Variants in GRIK2 observed in about 807,000 individuals in gnomAD.
The protein encoded by GRIK2 is glutamate ionotropic receptor kainate type subunit 2, also known as glutamate receptor ionotropic, kainate 2.
Under a neutral mutation model 100.3 loss-of-function variants are expected in GRIK2, and 32 were observed. That is an observed-to-expected ratio of 0.32 (90% CI 0.24 to 0.43). The LOEUF is 0.43. GRIK2 is among the 20% of genes least tolerant of loss of function. The pLI is 1.00. For missense variants in GRIK2, 843 were observed against 1,114.9 expected, an observed-to-expected ratio of 0.76 and a Z score of 3.47; for synonymous variants, 417 against 389.4, an observed-to-expected ratio of 1.07 and a Z score of -0.83.
At chr6:101,512,524 T>C (rs1215517083) in intron 2 of GRIK2, among the ~76,000 whole-genome samples, 4 of 152,136 alleles carry the variant, frequency 2.6e-5, no homozygotes, top group African/African-American at 9.6e-5. Context: ...CCATCTCACT[T>C]GAAGTTAATC....
At chr6:101,519,766 A>G (rs1172243796) in intron 2 of GRIK2, among the ~76,000 whole-genome samples, 1 of 152,186 alleles carries the variant, frequency 6.6e-6, no homozygotes, top group Non-Finnish European at 1.5e-5. Flanking sequence ...AAATCAGACT[A>G]TGTAAATTCT....
chr6:101,662,359 GT>G (rs1479993465), intron 4 of GRIK2, among the ~76,000 whole-genome samples: 1 of 152,142 alleles, frequency 6.6e-6, no homozygotes, highest in African/African-American at 2.4e-5. Context: ...CCTTGTTTCT[GT>G]TTCTAAGGAC....
At chr6:101,785,374 A>C (rs1779357623) in intron 7 of GRIK2, among the ~76,000 whole-genome samples, 1 of 152,082 alleles carries the variant, frequency 6.6e-6, no homozygotes. Context: ...TTGGGTCCTT[A>C]GCCATAGAGT....
At chr6:101,817,298 G>A (rs1781693071) in intron 9 of GRIK2, among the ~76,000 whole-genome samples, 1 of 152,180 alleles carries the variant, frequency 6.6e-6, no homozygotes, top group African/African-American at 2.4e-5. Flanking sequence ...AGCATATTTA[G>A]TTAGAACAGA....
At chr6:101,678,554 G>A (rs1302814973) in intron 5 of GRIK2, among the ~76,000 whole-genome samples, 2 of 152,082 alleles carry the variant, frequency 1.3e-5, no homozygotes. Flanking sequence ...TTTTAACTTT[G>A]TCTCACATTT....
At chr6:101,760,199 T>C (rs1777419937) in intron 7 of GRIK2, among the ~76,000 whole-genome samples, 1 of 148,124 alleles carries the variant, frequency 6.8e-6, no homozygotes, top group Non-Finnish European at 1.5e-5. Flanking sequence ...AAAATATGTA[T>C]ATGTAAAATG....
intron 2 of GRIK2, among the ~76,000 whole-genome samples, chr6:101,527,880 T>G (rs1775231549): frequency 6.6e-6 from 1 of 152,202 alleles, no homozygotes; most frequent in African/African-American, 2.4e-5. Flanking sequence ...GTTTTTTATT[T>G]TTCCTTGTAG....
chr6:102,051,990 G>A (rs990881624), intron 15 of GRIK2, among the ~76,000 whole-genome samples: 2 of 152,126 alleles, frequency 1.3e-5, no homozygotes, highest in Admixed American at 1.3e-4. Context: ...GAACTTGGGA[G>A]GAACTGTCTC....
intron 2 of GRIK2, among the ~76,000 whole-genome samples, chr6:101,482,681 A>G (rs994719832): frequency 6.6e-6 from 1 of 152,160 alleles, no homozygotes; most frequent in African/African-American, 2.4e-5. Flanking sequence ...AGACATGTTA[A>G]GAGACTATTA....
chr6:101,673,764 A>T (rs538153270), intron 4 of GRIK2, among the ~76,000 whole-genome samples: 9 of 152,106 alleles, frequency 5.9e-5, no homozygotes, highest in East Asian at 1.9e-4. Context: ...ATTATTTGCC[A>T]GTCTTCATTT....
chr6:101,820,818 A>G (rs1583209714), intron 10 of GRIK2, among the ~76,000 whole-genome samples: 4 of 152,238 alleles, frequency 2.6e-5, no homozygotes, highest in African/African-American at 9.6e-5. Flanking sequence ...TACCCACTTC[A>G]TGAAAATCTT....
At chr6:101,763,741 T>C (rs910925869) in intron 7 of GRIK2, among the ~76,000 whole-genome samples, 1 of 152,238 alleles carries the variant, frequency 6.6e-6, no homozygotes. Flanking sequence ...GATATTTTTC[T>C]GGACTAGTTT....
chr6:101,477,823 C>T (rs888571854), intron 2 of GRIK2, among the ~76,000 whole-genome samples: 5 of 152,170 alleles, frequency 3.3e-5, no homozygotes, highest in Non-Finnish European at 7.4e-5. Context: ...TGATTCCCCT[C>T]TTTACTAGTT....
intron 12 of GRIK2, among the ~76,000 whole-genome samples, chr6:101,921,372 GA>G (rs1489230639): frequency 8.5e-5 from 13 of 152,130 alleles, no homozygotes; most frequent in South Asian, 2.1e-4. Flanking sequence ...TCAAGGGAGT[GA>G]ATAGGATTTA....
intron 14 of GRIK2, among the ~76,000 whole-genome samples, chr6:101,982,602 A>G (rs570639754): frequency 1.3e-5 from 2 of 151,658 alleles, no homozygotes; most frequent in South Asian, 2.1e-4. Flanking sequence ...TTTAAAAACA[A>G]CAACAACAAA....
At chr6:101,898,115 T>TA (rs1421814707) in intron 12 of GRIK2, among the ~76,000 whole-genome samples, 1 of 151,920 alleles carries the variant, frequency 6.6e-6, no homozygotes, top group East Asian at 1.9e-4. Context: ...TGTGTGTTTT[T>TA]ATGATATGAT....
chr6:101,427,602 T>G (rs1467705573), intron 2 of GRIK2, among the ~76,000 whole-genome samples: 1 of 152,224 alleles, frequency 6.6e-6, no homozygotes, highest in Non-Finnish European at 1.5e-5. Context: ...TAGCAAAGAA[T>G]GTACCTGTGC....
At chr6:101,406,031 C>T (rs1014672371) in intron 2 of GRIK2, among the ~76,000 whole-genome samples, 23 of 152,304 alleles carry the variant, frequency 1.5e-4, no homozygotes, top group Middle Eastern at 3.4e-3. Flanking sequence ...CTCTAAGGCA[C>T]ACCTGCTTCC....
At chr6:101,886,942 C>T (rs985097896) in intron 11 of GRIK2, among the ~76,000 whole-genome samples, 11 of 149,116 alleles carry the variant, frequency 7.4e-5, no homozygotes, top group Non-Finnish European at 1.3e-4. Flanking sequence ...TCCCCTGCTT[C>T]AGCCTCCCGA....
Sources: allele counts gnomAD v4.1 joint callset (sites outside exome capture counted in the v4.1 genomes callset), GRCh38; gene constraint gnomAD v4.1.1; transcripts MANE v1.5; gene names NCBI Gene and HGNC (gene_info 2026-07-23, HGNC 2026-07-21).